The following ANXA9 variants were observed in gnomAD, a reference collection of about 807,000 sequenced individuals.
ANXA9 encodes annexin 31.
Under a neutral mutation model 51.8 loss-of-function variants are expected in ANXA9, and 47 were observed. That is an observed-to-expected ratio of 0.91 (90% confidence interval 0.72 to 1.16). The LOEUF is 1.16. ANXA9 is among the 50% of genes most tolerant of loss of function. The pLI, the probability that ANXA9 is intolerant of heterozygous loss-of-function variation, is 0.00. For missense variants in ANXA9, 361 were observed against 424.7 expected (o/e 0.85, Z 1.32); for synonymous variants, 154 against 168.7 (o/e 0.91, Z 0.68).
chr1:150,981,004 C>A (rs1405256161), upstream of ANXA9, among the ~76,000 whole-genome samples: 1 of 151,934 alleles, frequency 6.6e-6, no homozygotes, highest in Non-Finnish European at 1.5e-5. Flanking sequence ...TTTAATCATC[C>A]CAGGAAACCT....
Position 150,983,353 on chromosome 1 carries a change from A to T in ANXA9, c.91A>T (p.Thr31Ser). The T allele has an allele frequency of 6.2e-7, 1 of 1,613,736 alleles. No individual in the cohort carries two copies. Among genetic ancestry groups the T allele is most frequent in the Middle Eastern group, 1.6e-4 (1 of 6,062 alleles). ...GLASKTAAWGTLGTLRTFLNF... is the reference protein window; with the variant it reads ...GLASKTAAWGSLGTLRTFLNF... ...GCTCCCACAGACTGCAGCGTGGGGG[A>T]CCCTGGGCACCCTCAGGACCTTCTT... The change falls in exon 4 of 14, where the codon ACC becomes TCC. Residue 31 changes from threonine (T) to serine (S), a missense_variant. Thr to Ser is a moderately conservative substitution (Grantham distance 58). Coordinates refer to ENST00000368947, the MANE Select transcript of ANXA9 (RefSeq NM_003568.3).
At chr1:150,980,407 T>A (rs1440601824), upstream of ANXA9, among the ~76,000 whole-genome samples, 1 of 150,336 alleles carries the variant, frequency 6.7e-6, no homozygotes, top group African/African-American at 2.5e-5. Flanking sequence ...AAAAAAAAAA[T>A]GTTAGTATAT....
intron 12 of ANXA9, among the ~76,000 whole-genome samples, chr1:150,990,707 G>T (rs973971096): frequency 2.6e-5 from 4 of 152,120 alleles, no homozygotes; most frequent in Admixed American, 6.6e-5. Context: ...ATTAGCCAGG[G>T]GGTAGTGGTG....
In ANXA9 at chr1:150,984,079, T is replaced by A. The variant is rs1671490276; in HGVS notation, c.267+10T>A. On this transcript the variant is annotated intron_variant, in intron 5 of 13. Transcript: ENST00000368947. ...GGAGCGCACCCAACAGGTGAGGCCA[T>A]GCTGACCTCCCACAGCAGTGGACTG... is the stretch of plus-strand genomic sequence containing the variant. The A allele has an allele frequency of 2.5e-6, 4 of 1,607,576 alleles. No homozygotes were observed. The highest frequency in any genetic ancestry group is 1.3e-5 in the African/African-American group (1 of 74,608).
chr1:150,983,256 T>A, intron 3 of ANXA9, 76 bp downstream of exon 3: 3 of 1,599,190 alleles, frequency 1.9e-6, no homozygotes, highest in Non-Finnish European at 2.6e-6. Context: ...GGCAGGAAAG[T>A]GGAGGACAGG....
intron 12 of ANXA9, among the ~76,000 whole-genome samples, chr1:150,993,821 G>A (rs1671767203): frequency 6.6e-6 from 1 of 150,894 alleles, no homozygotes; most frequent in Non-Finnish European, 1.5e-5. Context: ...TTTTAGTAGA[G>A]ACGGGGTTTC....
chr1:150,988,424 C>T (rs1310984681), intron 12 of ANXA9, 83 bp downstream of exon 12: 26 of 1,499,686 alleles, frequency 1.7e-5, no homozygotes, highest in Middle Eastern at 2.3e-4. Flanking sequence ...ATGTAACCAT[C>T]CTATATACAC....
At chr1:150,982,961 G>T in intron 2 of ANXA9, 129 bp from the exon 3 acceptor site, 2 of 659,468 alleles carry the variant, frequency 3.0e-6, no homozygotes, top group East Asian at 2.7e-5. Context: ...TAAGCAGGTT[G>T]ATCTTTTTTT....
Position 150,994,591 on chromosome 1 carries a change from T to A in ANXA9, c.867T>A (p.Asn289Lys). 6.2e-7 allele frequency: 1 copy of A among 1,613,878 alleles called. No individual in the cohort carries two copies. Residue 289 changes from asparagine to lysine, a missense_variant, in exon 13 of 14, where the codon AAT (asparagine) becomes AAA (lysine). By Grantham distance (94) the Asn-to-Lys change is moderately conservative (BLOSUM62 0). Transcript: ENST00000368947. ...LHQALQETEP[N>K]YQVLIRILIS... ...TCCCCTACTAGGAAACTGAGCCCAA[T>A]TACCAAGTCCTGATTCGCATCCTTA...
At chr1:150,978,963 C>CA (rs1182496703), upstream of ANXA9, among the ~76,000 whole-genome samples, 7 of 150,478 alleles carry the variant, frequency 4.7e-5, no homozygotes, top group East Asian at 3.9e-4. Flanking sequence ...GACTCTGTCT[C>CA]AAAAAAAAGA....
chr1:150,995,116 G>A (rs1288117798), intron 13 of ANXA9, 144 bp from the exon 14 acceptor site: 6 of 820,528 alleles, frequency 7.3e-6, no homozygotes, highest in Admixed American at 2.6e-5. Flanking sequence ...AGGAGTCTTT[G>A]GTTAATGTAG....
At chr1:150,982,819 T>A (rs1571685894) in intron 2 of ANXA9, among the ~76,000 whole-genome samples, 1 of 152,134 alleles carries the variant, frequency 6.6e-6, no homozygotes, top group African/African-American at 2.4e-5. Flanking sequence ...GACCCTGGCA[T>A]CAGGGAGGGT....
Position 150,984,687 on chromosome 1 carries a change from A to G in ANXA9, c.472+11A>G, listed in dbSNP as rs1184537013. On this transcript the variant is annotated intron_variant, in intron 7 of 13. Coordinates refer to ENST00000368947, the MANE Select transcript of ANXA9 (RefSeq NM_003568.3). Reference sequence around the variant, plus strand: ...CAGTCTACAAACACAGTAAGAATATAGAGGGAGGGGTCCCAGATGCTGGAG... The same window carrying G: ...CAGTCTACAAACACAGTAAGAATATGGAGGGAGGGGTCCCAGATGCTGGAG... The G allele has an allele frequency of 6.2e-7, 1 of 1,611,614 alleles. No homozygotes were observed. The highest frequency in any genetic ancestry group is 1.3e-5 in the African/African-American group (1 of 74,946).
At chr1:150,984,238 C>G in intron 5 of ANXA9, 43 bp from the exon 6 acceptor site, 1 of 1,579,900 alleles carries the variant, frequency 6.3e-7, no homozygotes, top group East Asian at 2.2e-5. Flanking sequence ...TGGGGCCCTT[C>G]CCCTCACCCC....
rs1021301632 is a variant in ANXA9 at position 150,994,839 on chromosome 1, A to G, written c.975+140A>G. On this transcript the variant is annotated intron_variant, in intron 13 of 13. Transcript: ENST00000368947. ...CCAGGCACAGTGGCTCACGCCTGTA[A>G]TCCCAGCACTTTGAGAGGCTGAGGT... 294 of 1,456,500 alleles carry G rather than the reference A, an allele frequency of 2.0e-4. No homozygotes were observed. In the Middle Eastern group the frequency reaches 2.7e-3, roughly 14 times the overall value. The allele number at this position is 1,456,500 out of a possible 1,614,324, so 90.2% of individuals were successfully genotyped here. A position where few individuals can be genotyped will look rare whatever the true frequency, so the allele number is the denominator to read the frequency against.
Position 150,984,344 on chromosome 1 carries a change from C to T in ANXA9, c.331C>T (p.Leu111=), listed in dbSNP as rs1402904188. 2 of 1,614,176 alleles carry T rather than the reference C, an allele frequency of 1.2e-6. No homozygotes were observed. Among genetic ancestry groups the T allele is most frequent in the African/African-American group, 1.3e-5 (1 of 75,030 alleles). ...CCTGGAGAGGATTGTGATGGCTCTG[C>T]TGCAGCCCACAGCCCAGTTTGACGC... ...GNLERIVMAL[L]QPTAQFDAQE... is the part of the protein sequence containing the mutation. Residue 111 remains leucine (L), a synonymous_variant, in exon 6 of 14, where the codon CTG becomes TTG. Transcript: ENST00000368947.
chr1:150,983,402 C>A lies in ANXA9; in HGVS notation c.140C>A (p.Ala47Glu). 6.2e-7 allele frequency: 1 copy of A among 1,613,600 alleles called. No homozygotes were observed. ...TTGAACTTCAGCGTGGACAAGGATG[C>A]GCAGAGGCTACTGAGGGCCATTACT... ...TFLNFSVDKD[A>E]QRLLRAITGQ... The change falls in exon 4 of 14, where the codon GCG becomes GAG. Residue 47 changes from alanine (A) to glutamate (E), a missense_variant. Ala to Glu is a moderately radical substitution (Grantham distance 107, BLOSUM62 -1). Transcript: ENST00000368947.
upstream of ANXA9, among the ~76,000 whole-genome samples, chr1:150,977,684 T>A (rs1410214847): frequency 6.6e-6 from 1 of 152,240 alleles, no homozygotes; most frequent in Non-Finnish European, 1.5e-5. Flanking sequence ...CTGTTAACAC[T>A]GAAGCCTATT....
At chr1:150,988,702 T>C (rs1376898891) in intron 12 of ANXA9, among the ~76,000 whole-genome samples, 2 of 152,222 alleles carry the variant, frequency 1.3e-5, no homozygotes, top group Non-Finnish European at 2.9e-5. Context: ...CAGGTGCTGA[T>C]TGTGTGCCAC....
Sources: gnomAD v4.1 joint callset for allele counts (sites outside exome capture counted in the v4.1 genomes callset) on GRCh38, gnomAD v4.1.1 for gene constraint, MANE v1.5 for transcripts, NCBI Gene and HGNC (gene_info 2026-07-23, HGNC 2026-07-21) for gene names.